CACNB4: variants seen among roughly 807,000 people sequenced by gnomAD.
CACNB4 encodes calcium voltage-gated channel auxiliary subunit beta 4.
In CACNB4, 32 loss-of-function variants were observed where a neutral mutation model predicts 71.2. That is an observed-to-expected ratio of 0.45 (90% CI 0.34 to 0.60). The LOEUF (loss-of-function observed/expected upper bound fraction) is 0.60, where lower values mean the gene tolerates loss of function less well. CACNB4 is among the 20% of genes least tolerant of loss of function. The pLI is 0.01. For missense variants in CACNB4, 464 were observed against 647.9 expected (o/e 0.72, Z 3.08); for synonymous variants, 231 against 236.9 (o/e 0.97, Z 0.23).
chr2:151,936,756 C>T (rs1202413913), intron 2 of CACNB4, among the ~76,000 whole-genome samples: 1 of 152,220 alleles, frequency 6.6e-6, no homozygotes, highest in Admixed American at 6.5e-5. Context: ...AGGGCCCGGA[C>T]CACCTCTCAT....
chr2:151,979,610 T>C (rs2099874380), intron 2 of CACNB4, among the ~76,000 whole-genome samples: 1 of 152,224 alleles, frequency 6.6e-6, no homozygotes, highest in South Asian at 2.1e-4. Flanking sequence ...TATATATTGT[T>C]TAGCTGATAT....
chr2:152,093,511 T>G (rs1276712389), intron 2 of CACNB4, among the ~76,000 whole-genome samples: 1 of 152,138 alleles, frequency 6.6e-6, no homozygotes, highest in Non-Finnish European at 1.5e-5. Context: ...TTGTTGCAAC[T>G]GAGCAGGCTC....
intron 2 of CACNB4, among the ~76,000 whole-genome samples, chr2:152,025,110 A>G (rs535270297): frequency 6.6e-6 from 1 of 152,326 alleles, no homozygotes; most frequent in East Asian, 1.9e-4. Flanking sequence ...GAGGCCCGAT[A>G]TTAACTTTCA....
intron 2 of CACNB4, among the ~76,000 whole-genome samples, chr2:151,923,010 G>A (rs1252179825): frequency 6.6e-6 from 1 of 152,234 alleles, no homozygotes; most frequent in Admixed American, 6.5e-5. Flanking sequence ...GCCCAGTTGT[G>A]CAATACCCAG....
chr2:151,994,786 G>A (rs1443199738), intron 2 of CACNB4, among the ~76,000 whole-genome samples: 2 of 151,912 alleles, frequency 1.3e-5, no homozygotes, highest in Non-Finnish European at 1.5e-5. Context: ...TATTAGCCTT[G>A]CAAATGCATT....
At chr2:151,843,308 A>C (rs1559850966) in intron 12 of CACNB4, among the ~76,000 whole-genome samples, 1 of 152,100 alleles carries the variant, frequency 6.6e-6, no homozygotes, top group Non-Finnish European at 1.5e-5. Context: ...GCACATCTCA[A>C]CTTTCTTTCT....
At chr2:151,993,027 G>C (rs1238308493) in intron 2 of CACNB4, among the ~76,000 whole-genome samples, 1 of 152,186 alleles carries the variant, frequency 6.6e-6, no homozygotes, top group Admixed American at 6.5e-5. Context: ...CCACGAAAAG[G>C]ACTGAAATTG....
chr2:151,909,911 G>T (rs943791752), intron 2 of CACNB4, among the ~76,000 whole-genome samples: 1 of 151,442 alleles, frequency 6.6e-6, no homozygotes, highest in African/African-American at 2.4e-5. Context: ...ATTTTGGGGG[G>T]TATATCAAAT....
At chr2:151,986,244 G>GA (rs888943423) in intron 2 of CACNB4, among the ~76,000 whole-genome samples, 2 of 151,800 alleles carry the variant, frequency 1.3e-5, no homozygotes, top group Non-Finnish European at 2.9e-5. Flanking sequence ...TGTTTCATAT[G>GA]AAAAAAAAGT....
chr2:152,066,059 G>A (rs1686300135), intron 2 of CACNB4, among the ~76,000 whole-genome samples: 1 of 152,192 alleles, frequency 6.6e-6, no homozygotes, highest in East Asian at 1.9e-4. Flanking sequence ...GTGGAATAAA[G>A]CCTATACAGG....
At position 151,834,752 on chromosome 2, in the gene CACNB4, C is replaced by T. The variant is rs116584970; in HGVS notation, c.*4367G>A. On this transcript the variant is annotated 3_prime_UTR_variant, in exon 14 of 14. Transcript: ENST00000539935. Reference sequence around the variant, plus strand: ...TAAAGAAGAGGACTGTTCTCTGCCCCATAGACACAGCTTGAGTAAGTAACT... The same window carrying T: ...TAAAGAAGAGGACTGTTCTCTGCCCTATAGACACAGCTTGAGTAAGTAACT... 34 of 151,918 alleles carry T rather than the reference C, an allele frequency of 2.2e-4. No homozygotes were observed. Among genetic ancestry groups the T allele is most frequent in the African/African-American group, 8.2e-4 (34 of 41,512 alleles). The allele number at this position is 151,918 out of a possible 1,614,324, so 9.4% of individuals were successfully genotyped here. A position where few individuals can be genotyped will look rare whatever the true frequency, so the allele number is the denominator to read the frequency against.
chr2:151,919,256 A>T (rs1380556783), intron 2 of CACNB4, among the ~76,000 whole-genome samples: 3 of 152,174 alleles, frequency 2.0e-5, no homozygotes, highest in East Asian at 1.9e-4. Context: ...GAGTGAGACA[A>T]GGTCTCACTC....
intron 12 of CACNB4, chr2:151,850,864 T>A (rs2099838906): frequency 6.6e-6 from 1 of 152,200 alleles, no homozygotes; most frequent in African/African-American, 2.4e-5. Context: ...ATAGGACCCA[T>A]ATTATAAATA....
chr2:151,870,757 G>A, intron 7 of CACNB4, 85 bp downstream of exon 7: 1 of 1,261,882 alleles, frequency 7.9e-7, no homozygotes, highest in South Asian at 1.3e-5. Context: ...TTATTTTATA[G>A]CCACTTGGGT....
Position 151,872,485 on chromosome 2 carries a change from C to T in CACNB4, c.530G>A (p.Ser177Asn), listed in dbSNP as rs1186514076. The part of the protein sequence containing the change: ...KRGRFHGGKS[S>N]GNSSSSLGEM... ...TCCAAGACTTGAAGAAGAATTTCCA[C>T]TTGATTTCCTAGGATATAGAAAAGG... Residue 177 changes from serine (S) to asparagine (N), a missense_variant, in exon 6 of 14, where the codon AGT becomes AAT. By Grantham distance (46) the Ser-to-Asn change is conservative. Coordinates refer to ENST00000539935, the MANE Select transcript of CACNB4 (RefSeq NM_000726.5). 3 of 1,586,382 alleles carry T rather than the reference C, an allele frequency of 1.9e-6. No homozygotes were observed. Among genetic ancestry groups the T allele is most frequent in the East Asian group, 2.2e-5 (1 of 44,694 alleles).
intron 2 of CACNB4, among the ~76,000 whole-genome samples, chr2:151,953,009 T>C (rs1413024418): frequency 6.6e-6 from 1 of 152,204 alleles, no homozygotes; most frequent in Non-Finnish European, 1.5e-5. Context: ...ACTGGGTATA[T>C]GTTTACGGAG....
At chr2:152,034,840 G>C (rs1017546301) in intron 2 of CACNB4, among the ~76,000 whole-genome samples, 9 of 152,146 alleles carry the variant, frequency 5.9e-5, no homozygotes, top group African/African-American at 2.2e-4. Context: ...ACTGTGTGGT[G>C]CTGCTTCACT....
intron 2 of CACNB4, among the ~76,000 whole-genome samples, chr2:151,974,494 T>C (rs2099873416): frequency 1.3e-5 from 2 of 152,224 alleles, no homozygotes; most frequent in South Asian, 4.1e-4. Context: ...AAGAGCTCTG[T>C]GTCCCAACTG....
At chr2:151,986,836 T>C (rs1351091426) in intron 2 of CACNB4, among the ~76,000 whole-genome samples, 2 of 152,172 alleles carry the variant, frequency 1.3e-5, no homozygotes, top group Non-Finnish European at 2.9e-5. Context: ...GACTAATCTC[T>C]TACTGGGGTT....
Sources: gnomAD v4.1 joint callset for allele counts (sites outside exome capture counted in the v4.1 genomes callset) on GRCh38, gnomAD v4.1.1 for gene constraint, MANE v1.5 for transcripts, NCBI Gene and HGNC (gene_info 2026-07-23, HGNC 2026-07-21) for gene names.